The following DNAH9 variants were observed in gnomAD, a reference collection of about 807,000 sequenced individuals.
DNAH9 encodes DNAH9 variant protein.
A neutral mutation model predicts 471.6 loss-of-function variants in DNAH9; 345 were observed. That is an observed-to-expected ratio of 0.73 (90% CI 0.67 to 0.80). The LOEUF (loss-of-function observed/expected upper bound fraction) is 0.80, where lower values mean the gene tolerates loss of function less well. Among genes scored for constraint, DNAH9 ranks in the 30% least tolerant of loss-of-function variants. The pLI is 0.00. For synonymous variants in DNAH9, 2,093 were observed against 2,123.6 expected (o/e 0.99, Z 0.40); for missense variants, 5,407 against 5,609.2 (o/e 0.96, Z 1.15).
At chr17:11,604,027 C>CTT (rs34701859) in intron 1 of DNAH9, among the ~76,000 whole-genome samples, 71 of 144,506 alleles carry the variant, frequency 4.9e-4, no homozygotes, top group East Asian at 1.2e-3. Context: ...TTCCCCACTT[C>CTT]TTTTTTTTTT....
Position 11,664,843 on chromosome 17 carries a change from G to T in DNAH9, c.2606G>T (p.Gly869Val). The change falls in exon 15 of 69, where the codon GGT becomes GTT. Residue 869 changes from glycine to valine, a missense_variant. By Grantham distance (109) the Gly-to-Val change is moderately radical. Around this residue, in one of 3 missense-constraint regions of DNAH9, gnomAD observed 4,636 missense variants for 4,900.3 expected, o/e 0.95. Coordinates refer to ENST00000262442, the MANE Select transcript of DNAH9 (RefSeq NM_001372.4). ...TTCTTCCTTTTATAGGAAAACCTGG[G>T]TCTATTTTCAGCAGACCCAACCTCC... ...KIHALVQENL[G>V]LFSADPTSNI... is the part of the protein sequence containing the mutation. 6.2e-7 allele frequency: 1 copy of T among 1,612,850 alleles called. No homozygotes were observed. The highest frequency in any genetic ancestry group is 8.5e-7 in the Non-Finnish European group (1 of 1,179,220).
intron 33 of DNAH9, 150 bp downstream of exon 33, chr17:11,753,110 C>T: frequency 1.8e-6 from 1 of 569,988 alleles, no homozygotes; most frequent in Non-Finnish European, 2.9e-6. Context: ...CACATCTCTG[C>T]ACTGATAAAT....
At position 11,844,540 on chromosome 17, in the gene DNAH9, G is replaced by A. The variant is rs546843684; in HGVS notation, c.9508-9463G>A. On this transcript the variant is annotated intron_variant, in intron 49 of 68. Coordinates refer to ENST00000262442, the MANE Select transcript of DNAH9 (RefSeq NM_001372.4). ...CCTGCCTCAGCCTCCAGGGTAGCTG[G>A]GATTGCAGGCGCACACCACCATGCC... Among the ~76,000 whole-genome samples, 8 of 152,124 alleles carry A rather than the reference G, an allele frequency of 5.3e-5. No homozygotes were observed. The South Asian group carries it at 1.5e-3, about 28-fold the overall frequency.
rs2072313787 is a variant in DNAH9, at chr17:11,598,710, T to G, written c.212T>G (p.Leu71Arg). 3 of 1,377,538 alleles carry G rather than the reference T, an allele frequency of 2.2e-6. No homozygotes were observed. In the South Asian group the frequency reaches 4.9e-5, roughly 22 times the overall value. The allele number at this position is 1,377,538 out of a possible 1,614,324, so 85.3% of individuals were successfully genotyped here. A position where few individuals can be genotyped will look rare whatever the true frequency, so the allele number is the denominator to read the frequency against. Residue 71 changes from leucine to arginine, a missense_variant, in exon 1 of 69, where the codon CTG becomes CGG. This residue lies in a region of DNAH9 where 767 missense variants were observed against 692.5 expected (regional missense o/e 1.11). Transcript: ENST00000262442. Reference protein sequence around the residue: ...GRDAAEGPRPLLVVRPGPRGL... With the variant: ...GRDAAEGPRPRLVVRPGPRGL... Reference sequence around the variant, plus strand: ...GATGCTGCCGAGGGGCCGCGGCCGCTGCTGGTGGTGCGGCCCGGGCCCAGG... The same window carrying G: ...GATGCTGCCGAGGGGCCGCGGCCGCGGCTGGTGGTGCGGCCCGGGCCCAGG...
chr17:11,671,985 A>G (rs1317758726), intron 17 of DNAH9, among the ~76,000 whole-genome samples: 1 of 152,182 alleles, frequency 6.6e-6, no homozygotes, highest in Admixed American at 6.5e-5. Context: ...TGATTCTAGA[A>G]ACTGGCTATT....
Position 11,705,086 on chromosome 17 carries a change from T to G in DNAH9, c.5453T>G (p.Val1818Gly). Residue 1818 changes from valine (V) to glycine (G), a missense_variant, in exon 26 of 69, where the codon GTC becomes GGC. Around this residue, in one of 3 missense-constraint regions of DNAH9, gnomAD observed 4,636 missense variants for 4,900.3 expected, o/e 0.95. Transcript: ENST00000262442. ...CTGCGCCATCGTTGGGATGACGAGGTCAAACACTGCTTTGCCAACATCTGT... is the reference window on the plus strand; with the variant it reads ...CTGCGCCATCGTTGGGATGACGAGGGCAAACACTGCTTTGCCAACATCTGT... ...SQLRHRWDDEVKHCFANICDA... is the reference protein window; with the variant it reads ...SQLRHRWDDEGKHCFANICDA... The G allele has an allele frequency of 6.2e-7, 1 of 1,614,120 alleles. No homozygotes were observed. Among genetic ancestry groups the G allele is most frequent in the South Asian group, 1.1e-5 (1 of 91,080 alleles).
chr17:11,961,508 G>A (rs560861379), intron 67 of DNAH9, among the ~76,000 whole-genome samples: 1,621 of 152,216 alleles, frequency 0.011, 33 homozygotes, highest in African/African-American at 0.037. Context: ...ATGCAGGAGA[G>A]TCATGGAATT....
rs774636634 is a variant in DNAH9, at chr17:11,664,986, G to C, written c.2731+18G>C. ...AAATACTGGTACTTACTGGCTTATG[G>C]ATGTGGGTTATTATTGGAAAGATAA... On this transcript the variant is annotated intron_variant, in intron 15 of 68. Coordinates refer to ENST00000262442, the MANE Select transcript of DNAH9 (RefSeq NM_001372.4). 1 of 1,605,104 alleles carries C rather than the reference G, an allele frequency of 6.2e-7. No homozygotes were observed. Among genetic ancestry groups the C allele is most frequent in the South Asian group, 1.1e-5 (1 of 89,604 alleles).
intron 48 of DNAH9, among the ~76,000 whole-genome samples, chr17:11,824,175 T>G (rs1970410472): frequency 6.6e-6 from 1 of 152,172 alleles, no homozygotes; most frequent in South Asian, 2.1e-4. Flanking sequence ...CTCATTAAGG[T>G]GGCGAAATTT....
chr17:11,810,186 G>T, intron 44 of DNAH9, 60 bp from the exon 45 acceptor site: 1 of 1,547,970 alleles, frequency 6.5e-7, no homozygotes, highest in South Asian at 1.2e-5. Flanking sequence ...AGAATGGGTT[G>T]GAGTTCTCTT....
intron 48 of DNAH9, among the ~76,000 whole-genome samples, chr17:11,831,007 C>A (rs928844750): frequency 1.3e-5 from 2 of 152,194 alleles, no homozygotes; most frequent in Non-Finnish European, 2.9e-5. Context: ...GCAGACATTA[C>A]AGGCATAGGT....
At chr17:11,747,254 C>T (rs1206986283) in intron 31 of DNAH9, among the ~76,000 whole-genome samples, 1 of 152,178 alleles carries the variant, frequency 6.6e-6, no homozygotes, top group East Asian at 1.9e-4. Flanking sequence ...GTCCACATGA[C>T]TTTCTTCTCC....
chr17:11,720,774 G>A (rs1567748320), intron 27 of DNAH9, among the ~76,000 whole-genome samples: 1 of 152,150 alleles, frequency 6.6e-6, no homozygotes, highest in African/African-American at 2.4e-5. Context: ...CTCGTGTTAA[G>A]TAAACAAAGC....
chr17:11,683,779 A>G (rs1322382023), intron 19 of DNAH9, among the ~76,000 whole-genome samples: 1 of 152,232 alleles, frequency 6.6e-6, no homozygotes, highest in Non-Finnish European at 1.5e-5. Context: ...CTAATTTGAC[A>G]TGCAGATGAA....
At chr17:11,641,587 T>C (rs1462834184) in intron 10 of DNAH9, among the ~76,000 whole-genome samples, 1 of 152,066 alleles carries the variant, frequency 6.6e-6, no homozygotes, top group Admixed American at 6.6e-5. Flanking sequence ...TTCTCCAGGC[T>C]CCTAATCCAG....
intron 48 of DNAH9, among the ~76,000 whole-genome samples, chr17:11,827,072 G>A (rs1050404456): frequency 1.4e-4 from 21 of 151,908 alleles, no homozygotes; most frequent in Admixed American, 3.9e-4. Context: ...TGATCCACCC[G>A]TCTTGGCCTC....
chr17:11,753,064 G>A (rs1463079420), intron 33 of DNAH9, 104 bp downstream of exon 33: 7 of 967,288 alleles, frequency 7.2e-6, no homozygotes, highest in African/African-American at 1.7e-5. Context: ...ATGATGGCTG[G>A]CTCAGAGTAA....
chr17:11,813,997 T>C (rs1970008376), intron 45 of DNAH9, among the ~76,000 whole-genome samples: 1 of 152,198 alleles, frequency 6.6e-6, no homozygotes, highest in Non-Finnish European at 1.5e-5. Context: ...CCTTGGCTGC[T>C]GGGGTCCTTG....
intron 68 of DNAH9, among the ~76,000 whole-genome samples, chr17:11,968,198 G>C (rs555457149): frequency 6.6e-6 from 1 of 151,818 alleles, no homozygotes; most frequent in South Asian, 2.1e-4. Flanking sequence ...ACAGTATGTT[G>C]GGGAAAAAAA....
Sources: gnomAD v4.1 joint callset for allele counts (sites outside exome capture counted in the v4.1 genomes callset) on GRCh38, gnomAD v4.1.1 for gene constraint, gnomAD v4.1.1 regional missense constraint, MANE v1.5 for transcripts, NCBI Gene and HGNC (gene_info 2026-07-23, HGNC 2026-07-21) for gene names.